Variants in RPRD2 observed in about 807,000 individuals in gnomAD.
RPRD2 encodes the protein regulation of nuclear pre-mRNA domain-containing protein 2.
RPRD2 carries 12 observed loss-of-function variants against 104.4 expected under a neutral mutation model. The observed-to-expected ratio is 0.11, with a 90% CI of 0.07 to 0.19. The LOEUF is 0.19. Among genes scored for constraint, RPRD2 ranks in the 10% least tolerant of loss-of-function variants. The pLI is 1.00. For missense variants in RPRD2, 1,543 were observed against 1,790.1 expected, an observed-to-expected ratio of 0.86 and a Z score of 2.49; for synonymous variants, 714 against 684.9, an observed-to-expected ratio of 1.04 and a Z score of -0.66.
chr1:150,386,487 C>T (rs1661578794), intron 1 of RPRD2, among the ~76,000 whole-genome samples: 1 of 152,126 alleles, frequency 6.6e-6, no homozygotes, highest in Non-Finnish European at 1.5e-5. Flanking sequence ...AAGTTTATGT[C>T]ACTTTTTACA....
At chr1:150,464,251 C>T (rs1419977500) in intron 9 of RPRD2, among the ~76,000 whole-genome samples, 3 of 151,970 alleles carry the variant, frequency 2.0e-5, no homozygotes, top group African/African-American at 7.3e-5. Flanking sequence ...TCAGGTGATC[C>T]GCCTGCCTCG....
chr1:150,442,952 G>A (rs1553894769), intron 4 of RPRD2, among the ~76,000 whole-genome samples: 1 of 152,082 alleles, frequency 6.6e-6, no homozygotes, highest in African/African-American at 2.4e-5. Flanking sequence ...GGTACTTGAT[G>A]TATCTCGGTG....
intron 2 of RPRD2, among the ~76,000 whole-genome samples, chr1:150,437,657 G>A (rs1444971619): frequency 6.6e-6 from 1 of 152,044 alleles, no homozygotes; most frequent in Non-Finnish European, 1.5e-5. Flanking sequence ...AGGGCTCACT[G>A]CAGACTCGAA....
intron 1 of RPRD2, among the ~76,000 whole-genome samples, chr1:150,387,911 C>CTTTTTTTTTTTTTT (rs1224608397): frequency 1.7e-5 from 2 of 116,962 alleles, no homozygotes; most frequent in African/African-American, 3.7e-5. Flanking sequence ...TTTTTCTTTT[C>CTTTTTTTTTTTTTT]TCTTTTTTTT....
intron 1 of RPRD2, among the ~76,000 whole-genome samples, chr1:150,382,527 T>A (rs1297913655): frequency 6.6e-6 from 1 of 152,004 alleles, no homozygotes; most frequent in Non-Finnish European, 1.5e-5. Context: ...CCCGGCTAAT[T>A]TTTGTATTTT....
intron 1 of RPRD2, among the ~76,000 whole-genome samples, chr1:150,417,319 C>T (rs1451916416): frequency 5.3e-5 from 8 of 151,892 alleles, no homozygotes; most frequent in African/African-American, 1.2e-4. Flanking sequence ...AGAAACTTAA[C>T]GTGAAGTAGT....
intron 1 of RPRD2, among the ~76,000 whole-genome samples, chr1:150,383,184 G>A (rs933313922): frequency 6.7e-6 from 1 of 148,550 alleles, no homozygotes; most frequent in Non-Finnish European, 1.5e-5. Flanking sequence ...TTGTAGAGAT[G>A]ATGTCTTGCT....
chr1:150,458,874 C>T (rs188584313), intron 8 of RPRD2, among the ~76,000 whole-genome samples: 22 of 152,276 alleles, frequency 1.4e-4, no homozygotes, highest in Admixed American at 7.2e-4. Flanking sequence ...GAACTCCTGA[C>T]CTCAAGTGAT....
chr1:150,411,807 A>C (rs1553887707), intron 1 of RPRD2, among the ~76,000 whole-genome samples: 5 of 112,424 alleles, frequency 4.4e-5, no homozygotes, highest in African/African-American at 5.7e-5. Flanking sequence ...AAAAAAAAAA[A>C]AAAAAAAAAC....
intron 1 of RPRD2, among the ~76,000 whole-genome samples, chr1:150,386,130 T>G (rs1273630954): frequency 6.6e-6 from 1 of 152,204 alleles, no homozygotes; most frequent in Non-Finnish European, 1.5e-5. Context: ...TATTTTTATT[T>G]ATTTATTTAT....
chr1:150,421,584 G>A (rs1553889628), intron 2 of RPRD2, among the ~76,000 whole-genome samples: 1 of 152,010 alleles, frequency 6.6e-6, no homozygotes, highest in East Asian at 1.9e-4. Flanking sequence ...AACAATAATG[G>A]AAGCAGGAAT....
chr1:150,441,819 G>T, intron 3 of RPRD2, 62 bp from the exon 4 acceptor site: 1 of 1,189,766 alleles, frequency 8.4e-7, no homozygotes, highest in South Asian at 1.3e-5. Context: ...CTTTGGCACT[G>T]AAGTGGACAG....
Position 150,472,622 on chromosome 1 carries a change from G to C in RPRD2, c.3674G>C (p.Gly1225Ala), listed in dbSNP as rs1272962717. Residue 1225 changes from glycine to alanine, a missense_variant, in exon 11 of 11, where the codon GGT (glycine) becomes GCT (alanine). Physicochemically the swap from Gly to Ala is moderately conservative, Grantham distance 60 (BLOSUM62 0). This residue lies in a region of RPRD2 where 880 missense variants were observed against 885.6 expected (regional missense o/e 0.99). Coordinates refer to ENST00000369068, the MANE Select transcript of RPRD2 (RefSeq NM_015203.5). ...CCTGTCCCTCCTAAGGATCATGGTGGTATCTTCTCTCGAGATGCACCCACT... is the reference window on the plus strand; with the variant it reads ...CCTGTCCCTCCTAAGGATCATGGTGCTATCTTCTCTCGAGATGCACCCACT... ...APPVPPKDHG[G>A]IFSRDAPTHL... 1 of 1,613,906 alleles carries C rather than the reference G, an allele frequency of 6.2e-7. No individual in the cohort carries two copies.
In RPRD2 at chr1:150,440,974, T is replaced by C; in HGVS notation, c.387T>C (p.Asp129=). The change falls in exon 3 of 11, where the codon GAT becomes GAC. Residue 129 remains aspartate (D), a synonymous_variant. Transcript: ENST00000369068. Reference sequence around the variant, plus strand: ...AACGAATCTTTAAAATCTGGGAAGATAGAAATGTATACCCAGAAGAAATGA... The same window carrying C: ...AACGAATCTTTAAAATCTGGGAAGACAGAAATGTATACCCAGAAGAAATGA... ...SVERIFKIWE[D]RNVYPEEMIV... is the part of the protein sequence containing the mutation. 1 of 1,584,672 alleles carries C rather than the reference T, an allele frequency of 6.3e-7. No homozygotes were observed. Among genetic ancestry groups the C allele is most frequent in the South Asian group, 1.2e-5 (1 of 85,886 alleles).
At chr1:150,410,047 G>A (rs913086302) in intron 1 of RPRD2, among the ~76,000 whole-genome samples, 12 of 152,086 alleles carry the variant, frequency 7.9e-5, no homozygotes, top group Admixed American at 3.3e-4. Flanking sequence ...TGAGAAAAAC[G>A]GGGGAAGAAA....
intron 1 of RPRD2, among the ~76,000 whole-genome samples, chr1:150,416,895 A>AAC (rs1664384903): frequency 6.7e-6 from 1 of 148,740 alleles, no homozygotes; most frequent in Non-Finnish European, 1.5e-5. Flanking sequence ...AAAAAAACAA[A>AAC]AAGAAGAAGA....
At chr1:150,371,240 T>C (rs1480991716) in intron 1 of RPRD2, among the ~76,000 whole-genome samples, 10 of 152,262 alleles carry the variant, frequency 6.6e-5, no homozygotes, top group Admixed American at 5.9e-4. Context: ...GCTTACTATA[T>C]GCCAGGCACT....
chr1:150,410,880 TC>T (rs1233540586), intron 1 of RPRD2, among the ~76,000 whole-genome samples: 2 of 152,168 alleles, frequency 1.3e-5, no homozygotes, highest in African/African-American at 4.8e-5. Context: ...GGCTCAGGGC[TC>T]CTTCCTGGCT....
chr1:150,405,268 A>G (rs1276177015), intron 1 of RPRD2, among the ~76,000 whole-genome samples: 3 of 152,168 alleles, frequency 2.0e-5, no homozygotes, highest in Admixed American at 6.6e-5. Context: ...TTAACATACT[A>G]CTCAGATTTT....
Sources: gnomAD v4.1 joint callset for allele counts (sites outside exome capture counted in the v4.1 genomes callset) on GRCh38, gnomAD v4.1.1 for gene constraint, gnomAD v4.1.1 regional missense constraint, MANE v1.5 for transcripts, NCBI Gene and HGNC (gene_info 2026-07-23, HGNC 2026-07-21) for gene names.